Variants in DUS2 observed in about 807,000 individuals in gnomAD.
DUS2 encodes the protein dihydrouridine synthase 2.
In DUS2, 52 loss-of-function variants were observed where a neutral mutation model predicts 71.3. That is an observed-to-expected ratio of 0.73 (90% CI 0.58 to 0.92). DUS2 has a LOEUF of 0.92. Among genes scored for constraint, DUS2 ranks in the 40% least tolerant of loss-of-function variants. The probability of loss-of-function intolerance (pLI) is 0.00; values close to 1 mark genes in which losing one functional copy is unlikely to be tolerated. For synonymous variants in DUS2, 204 were observed against 227.8 expected (o/e 0.90, Z 0.94); for missense variants, 558 against 622.6 (o/e 0.90, Z 1.10).
At chr16:68,075,800 G>C (rs2034148695) in intron 14 of DUS2, among the ~76,000 whole-genome samples, 1 of 152,202 alleles carries the variant, frequency 6.6e-6, no homozygotes, top group African/African-American at 2.4e-5. Flanking sequence ...GCTTTTCCAA[G>C]GCCCTGAGGA....
chr16:68,064,560 T>C (rs2033980423), intron 8 of DUS2, among the ~76,000 whole-genome samples: 1 of 152,222 alleles, frequency 6.6e-6, no homozygotes, highest in African/African-American at 2.4e-5. Context: ...TAATGGAACC[T>C]TTTAGAGATG....
chr16:68,054,573 G>A lies in DUS2; in HGVS notation c.265-1G>A, dbSNP rs139683409. The A allele has an allele frequency of 2.5e-6, 4 of 1,613,972 alleles. No individual in the cohort carries two copies. In the African/African-American group the frequency reaches 5.3e-5, roughly 22 times the overall value. On this transcript the variant is annotated splice_acceptor_variant, in intron 5 of 16. Transcript: ENST00000565263. LOFTEE classifies it high-confidence loss of function. ...GTTGATGCAGCCTCTTGTGTTCCCAGGGGACTTCAGACGCAGAGCGAGCCC... is the reference window on the plus strand; with the variant it reads ...GTTGATGCAGCCTCTTGTGTTCCCAAGGGACTTCAGACGCAGAGCGAGCCC...
chr16:68,055,565 GAT>G (rs2033840335), intron 6 of DUS2, among the ~76,000 whole-genome samples: 2 of 152,118 alleles, frequency 1.3e-5, no homozygotes, highest in South Asian at 4.1e-4. Flanking sequence ...TGTGACCTGA[GAT>G]AAGTTGCTTA....
intron 3 of DUS2, among the ~76,000 whole-genome samples, chr16:68,048,990 T>G (rs897613955): frequency 6.6e-6 from 1 of 152,210 alleles, no homozygotes; most frequent in African/African-American, 2.4e-5. Context: ...GACCTCGCCC[T>G]TTTCATTTCC....
intron 1 of DUS2, chr16:68,024,070 G>A (rs2033303165): frequency 6.5e-6 from 1 of 153,204 alleles, no homozygotes; most frequent in African/African-American, 2.5e-5. Context: ...TATTCGGGTT[G>A]TAAAAACAAG....
In DUS2 at chr16:68,060,983, C is replaced by T. The variant is rs370930673; in HGVS notation, c.370-83C>T. 198 of 1,376,776 alleles carry T rather than the reference C, an allele frequency of 1.4e-4. 1 individual carries two copies. The highest frequency in any genetic ancestry group is 1.2e-3 in the East Asian group (53 of 43,550). 85.3% of individuals were successfully genotyped at this position (1,376,776 alleles called of 1,614,324 possible). Reference sequence around the variant, plus strand: ...CCCTTGGAAGTGAGTGCCGGGGTGACGCTCAGTTGCCAGACCCCATCCCAT... The same window carrying T: ...CCCTTGGAAGTGAGTGCCGGGGTGATGCTCAGTTGCCAGACCCCATCCCAT... On this transcript the variant is annotated intron_variant, in intron 7 of 16. Coordinates refer to ENST00000565263, the MANE Select transcript of DUS2 (RefSeq NM_017803.5).
At chr16:68,056,618 A>T (rs75899576) in intron 7 of DUS2, among the ~76,000 whole-genome samples, 194 bp downstream of exon 7, 8 of 151,998 alleles carry the variant, frequency 5.3e-5, no homozygotes, top group African/African-American at 1.9e-4. Context: ...TACTGTATCA[A>T]TGTAAACTTA....
chr16:68,057,742 G>A (rs1199573363), intron 7 of DUS2, among the ~76,000 whole-genome samples: 2 of 152,038 alleles, frequency 1.3e-5, no homozygotes, highest in East Asian at 1.9e-4. Flanking sequence ...TTAGCTGGGC[G>A]TGGTGGTGTG....
intron 3 of DUS2, among the ~76,000 whole-genome samples, chr16:68,038,420 C>A (rs1268789164): frequency 6.6e-6 from 1 of 151,950 alleles, no homozygotes; most frequent in Non-Finnish European, 1.5e-5. Context: ...CATAGTGGGA[C>A]CTCATCTCTA....
intron 2 of DUS2, among the ~76,000 whole-genome samples, chr16:68,035,327 G>A (rs956435747): frequency 1.3e-5 from 2 of 152,000 alleles, no homozygotes; most frequent in African/African-American, 4.8e-5. Context: ...GGCTCTACAT[G>A]ATCTGACCAT....
intron 1 of DUS2, among the ~76,000 whole-genome samples, chr16:68,024,569 C>CT (rs1036396087): frequency 2.6e-5 from 4 of 152,034 alleles, no homozygotes; most frequent in Non-Finnish European, 4.4e-5. Flanking sequence ...AAAAACTTTG[C>CT]TTTTTTTGGA....
chr16:68,032,806 C>T (rs758807454), intron 2 of DUS2, among the ~76,000 whole-genome samples: 9 of 137,676 alleles, frequency 6.5e-5, no homozygotes, highest in South Asian at 2.4e-4. Context: ...CCCAGCTACT[C>T]GGGAGGCTGA....
chr16:68,068,265 G>T (rs2034036947), intron 10 of DUS2, among the ~76,000 whole-genome samples: 3 of 152,172 alleles, frequency 2.0e-5, no homozygotes, highest in African/African-American at 4.8e-5. Context: ...TTCAGAGAAG[G>T]GAACCCAGAA....
chr16:68,075,533 G>C, intron 14 of DUS2, 29 bp downstream of exon 14: 1 of 1,597,884 alleles, frequency 6.3e-7, no homozygotes, highest in Non-Finnish European at 8.5e-7. Flanking sequence ...CTCAGCTTGG[G>C]CTAGGGCCAG....
intron 3 of DUS2, among the ~76,000 whole-genome samples, chr16:68,048,470 C>G (rs555341078): frequency 1.3e-5 from 2 of 152,292 alleles, no homozygotes; most frequent in Non-Finnish European, 2.9e-5. Flanking sequence ...TCAACCATGT[C>G]CAAACTGCTT....
At chr16:68,068,349 A>G (rs2034037885) in intron 10 of DUS2, among the ~76,000 whole-genome samples, 1 of 152,224 alleles carries the variant, frequency 6.6e-6, no homozygotes, top group South Asian at 2.1e-4. Context: ...ACACTTGTAC[A>G]CATATGCGCC....
chr16:68,030,893 C>T (rs1459027659), intron 2 of DUS2, among the ~76,000 whole-genome samples: 1 of 151,940 alleles, frequency 6.6e-6, no homozygotes, highest in Non-Finnish European at 1.5e-5. Context: ...TCCATCACTC[C>T]TGGCTAGTTA....
chr16:68,074,109 C>T lies in DUS2; in HGVS notation c.886C>T (p.Pro296Ser). 6.2e-7 allele frequency: 1 copy of T among 1,614,184 alleles called. No individual in the cohort carries two copies. The highest frequency in any genetic ancestry group is 1.1e-5 in the South Asian group (1 of 91,088). ...CQMLREQLESPQGRLLHAAQS... is the reference protein window; with the variant it reads ...CQMLREQLESSQGRLLHAAQS... ...GATGCTACGAGAACAGCTGGAGTCG[C>T]CCCAGGGAAGGTTGCTCCATGCTGC... Residue 296 changes from proline to serine, a missense_variant, in exon 13 of 17, where the codon CCC (proline) becomes TCC (serine). Transcript: ENST00000565263.
chr16:68,066,186 C>A, intron 8 of DUS2, 131 bp from the exon 9 acceptor site: 1 of 816,218 alleles, frequency 1.2e-6, no homozygotes, highest in South Asian at 1.4e-5. Flanking sequence ...AACAGACACA[C>A]ACATGCATTC....
Sources: allele counts gnomAD v4.1 joint callset (sites outside exome capture counted in the v4.1 genomes callset), GRCh38; gene constraint gnomAD v4.1.1; transcripts MANE v1.5; gene names NCBI Gene and HGNC (gene_info 2026-07-23, HGNC 2026-07-21).